The following LEF1 variants were observed in gnomAD, a reference collection of about 807,000 sequenced individuals.
LEF1 encodes lymphoid enhancer-binding factor 1.
A neutral mutation model predicts 51.2 loss-of-function variants in LEF1; 14 were observed. That is an observed-to-expected ratio of 0.27 (90% CI 0.18 to 0.43). The LOEUF (loss-of-function observed/expected upper bound fraction) is 0.43. LEF1 is among the 20% of genes least tolerant of loss of function. The pLI is 1.00. For synonymous variants in LEF1, 185 were observed against 183.2 expected (o/e 1.01, Z -0.08); for missense variants, 386 against 512.0 (o/e 0.75, Z 2.37).
intron 3 of LEF1, among the ~76,000 whole-genome samples, chr4:108,139,679 G>C (rs1417300336): frequency 1.3e-5 from 2 of 152,202 alleles, no homozygotes; most frequent in Non-Finnish European, 2.9e-5. Context: ...GCCATTTTGT[G>C]AGAGACCTTT....
At chr4:108,084,237 A>C (rs192183362) in intron 4 of LEF1, among the ~76,000 whole-genome samples, 1 of 152,368 alleles carries the variant, frequency 6.6e-6, no homozygotes, top group African/African-American at 2.4e-5. Context: ...CAAATGCATA[A>C]AATGTAAAAT....
chr4:108,061,229 GGA>G (rs1487292792), intron 11 of LEF1, among the ~76,000 whole-genome samples: 1 of 152,124 alleles, frequency 6.6e-6, no homozygotes, highest in East Asian at 1.9e-4. Flanking sequence ...GGGGTAGGGT[GGA>G]GAGAGAGGGT....
intron 3 of LEF1, among the ~76,000 whole-genome samples, chr4:108,111,397 C>G (rs1282393672): frequency 2.0e-5 from 3 of 152,208 alleles, no homozygotes; most frequent in African/African-American, 7.2e-5. Flanking sequence ...GCATCATTGA[C>G]TAAGTCACCT....
intron 3 of LEF1, among the ~76,000 whole-genome samples, chr4:108,121,783 C>A (rs529627190): frequency 3.2e-4 from 49 of 152,306 alleles, no homozygotes; most frequent in African/African-American, 1.1e-3. Flanking sequence ...TTTACTGCAC[C>A]TTTTAGTCTT....
chr4:108,146,219 C>G (rs1560822335), intron 3 of LEF1, among the ~76,000 whole-genome samples: 1 of 152,210 alleles, frequency 6.6e-6, no homozygotes, highest in South Asian at 2.1e-4. Flanking sequence ...AATGTTTGCT[C>G]ATGAAAAGGA....
intron 11 of LEF1, among the ~76,000 whole-genome samples, chr4:108,061,974 G>T (rs1737722407): frequency 6.6e-6 from 1 of 152,216 alleles, no homozygotes; most frequent in African/African-American, 2.4e-5. Context: ...GATGAAGAAA[G>T]TTTCACAGAG....
chr4:108,151,686 G>A (rs921160208), intron 3 of LEF1, among the ~76,000 whole-genome samples: 1 of 152,118 alleles, frequency 6.6e-6, no homozygotes, highest in African/African-American at 2.4e-5. Context: ...GGATTAAATG[G>A]GCTAACGCAC....
At chr4:108,111,709 C>T (rs929300173) in intron 3 of LEF1, among the ~76,000 whole-genome samples, 3 of 151,714 alleles carry the variant, frequency 2.0e-5, no homozygotes, top group South Asian at 2.1e-4. Context: ...CTCAGGAGTT[C>T]GAAACCAGCC....
At chr4:108,140,867 T>C (rs904445957) in intron 3 of LEF1, among the ~76,000 whole-genome samples, 2 of 152,216 alleles carry the variant, frequency 1.3e-5, no homozygotes, top group Admixed American at 6.5e-5. Flanking sequence ...TTTGAGAAAG[T>C]TGCTTTTCAA....
intron 3 of LEF1, among the ~76,000 whole-genome samples, chr4:108,099,853 C>T (rs77994088): frequency 0.025 from 3,811 of 151,670 alleles, 149 homozygotes; most frequent in African/African-American, 0.087. Flanking sequence ...TAGAATGATC[C>T]TTATGATTAA....
chr4:108,059,883 C>T (rs1484154754), intron 11 of LEF1, among the ~76,000 whole-genome samples: 1 of 152,122 alleles, frequency 6.6e-6, no homozygotes, highest in African/African-American at 2.4e-5. Flanking sequence ...AGGGATCTTG[C>T]CATGTTGCTC....
intron 3 of LEF1, among the ~76,000 whole-genome samples, chr4:108,142,926 T>C (rs1413339152): frequency 2.0e-5 from 3 of 152,246 alleles, no homozygotes; most frequent in Admixed American, 2.0e-4. Flanking sequence ...TAATATTGTT[T>C]ATGTAGATAG....
In LEF1 at chr4:108,048,659, A is replaced by T; in HGVS notation, c.*99T>A. The stretch of plus-strand genomic sequence containing the variant: ...GGGGTCGACTGGGCAGGCCGTGGAG[A>T]CAGTCTGGGTTTTCAACAAGCTTCC... On this transcript the variant is annotated 3_prime_UTR_variant, in exon 12 of 12. Transcript: ENST00000265165. The T allele has an allele frequency of 1.3e-6, 2 of 1,577,514 alleles. No individual in the cohort carries two copies. Among genetic ancestry groups the T allele is most frequent in the Non-Finnish European group, 8.6e-7 (1 of 1,159,034 alleles).
chr4:108,166,922 G>T (rs1242861830), intron 1 of LEF1: 7 of 656,190 alleles, frequency 1.1e-5, no homozygotes, highest in African/African-American at 3.9e-5. Flanking sequence ...TAGCCCAGGC[G>T]CTGGGGCCGC....
chr4:108,123,025 G>C (rs1055745800), intron 3 of LEF1, among the ~76,000 whole-genome samples: 2 of 152,158 alleles, frequency 1.3e-5, no homozygotes, highest in African/African-American at 4.8e-5. Context: ...CATGTTTCCT[G>C]TGTGTTGTGA....
At chr4:108,081,030 A>C (rs1015100541) in intron 6 of LEF1, among the ~76,000 whole-genome samples, 1 of 152,052 alleles carries the variant, frequency 6.6e-6, no homozygotes, top group African/African-American at 2.4e-5. Flanking sequence ...CCATGTCCAC[A>C]CAGGGCCTGA....
At chr4:108,053,884 T>A (rs976527108) in intron 11 of LEF1, among the ~76,000 whole-genome samples, 5 of 152,326 alleles carry the variant, frequency 3.3e-5, no homozygotes, top group African/African-American at 1.2e-4. Flanking sequence ...ACCTCCCTCA[T>A]CTACTCACCT....
intron 4 of LEF1, among the ~76,000 whole-genome samples, chr4:108,084,420 C>T (rs913233568): frequency 1.3e-5 from 2 of 152,142 alleles, no homozygotes; most frequent in African/African-American, 4.8e-5. Flanking sequence ...ATATTATATA[C>T]TGGCTAATAT....
chr4:108,104,496 TA>T (rs1560792657), intron 3 of LEF1, among the ~76,000 whole-genome samples: 7 of 147,276 alleles, frequency 4.8e-5, no homozygotes, highest in Non-Finnish European at 8.9e-5. Context: ...TAAATTATTA[TA>T]TAATAATAAT....
Sources: allele counts gnomAD v4.1 joint callset (sites outside exome capture counted in the v4.1 genomes callset), GRCh38; gene constraint gnomAD v4.1.1; transcripts MANE v1.5; gene names NCBI Gene and HGNC (gene_info 2026-07-23, HGNC 2026-07-21).